Variants in CEP164 observed in about 807,000 individuals in gnomAD.
CEP164 encodes the protein centrosomal protein 164.
Under a neutral mutation model 182.7 loss-of-function variants are expected in CEP164, and 162 were observed. The observed-to-expected ratio is 0.89, with a 90% CI of 0.78 to 1.01. The LOEUF is 1.01. CEP164 is among the 50% of genes least tolerant of loss of function. The probability of loss-of-function intolerance (pLI) is 0.00; values close to 1 mark genes in which losing one functional copy is unlikely to be tolerated. For missense variants in CEP164, 1,735 were observed against 1,790.4 expected (o/e 0.97, Z 0.56); for synonymous variants, 661 against 690.0 (o/e 0.96, Z 0.66).
chr11:117,343,339 C>T (rs541087580), intron 3 of CEP164, among the ~76,000 whole-genome samples: 2 of 152,380 alleles, frequency 1.3e-5, no homozygotes, highest in East Asian at 3.9e-4. Context: ...TGCCTTCTCT[C>T]TGCTCCCATA....
intron 8 of CEP164, among the ~76,000 whole-genome samples, chr11:117,365,867 A>G (rs746947120): frequency 6.6e-5 from 10 of 152,172 alleles, no homozygotes; most frequent in Admixed American, 1.3e-4. Flanking sequence ...GGTGTGAGCC[A>G]TCGTGCCCAG....
intron 27 of CEP164, among the ~76,000 whole-genome samples, chr11:117,401,487 G>C (rs1041496270): frequency 2.0e-5 from 3 of 152,286 alleles, no homozygotes; most frequent in African/African-American, 7.2e-5. Flanking sequence ...GATGATGCTG[G>C]CTTCATAAAA....
intron 5 of CEP164, among the ~76,000 whole-genome samples, chr11:117,353,350 A>G (rs2135476922): frequency 6.6e-6 from 1 of 152,282 alleles, no homozygotes; most frequent in South Asian, 2.1e-4. Flanking sequence ...CCAGATGGAG[A>G]AAAGAGGGCA....
intron 27 of CEP164, among the ~76,000 whole-genome samples, chr11:117,403,480 C>A (rs2046360819): frequency 6.6e-6 from 1 of 152,170 alleles, no homozygotes; most frequent in Non-Finnish European, 1.5e-5. Context: ...TGAATATTGG[C>A]CCCCACTCTC....
chr11:117,395,190 A>C lies in CEP164; in HGVS notation c.2912A>C (p.Glu971Ala). ...DVQRQVALKS[E>A]EATATHQQLE... ...CAGAGGCAGGTTGCTCTGAAGAGTG[A>C]GGTTTGTCTCCCTGTTTTGTCCTCC... Residue 971 changes from glutamate (E) to alanine (A), a missense_variant and splice_region_variant, in exon 23 of 33, where the codon GAG (glutamate) becomes GCG (alanine). Glu to Ala is a moderately radical substitution (Grantham distance 107). Transcript: ENST00000278935. 1.2e-6 allele frequency: 2 copies of C among 1,613,516 alleles called. No individual in the cohort carries two copies. Among genetic ancestry groups the C allele is most frequent in the South Asian group, 2.2e-5 (2 of 91,056 alleles).
intron 2 of CEP164, among the ~76,000 whole-genome samples, chr11:117,338,034 T>C (rs886468622): frequency 4.6e-5 from 7 of 152,132 alleles, no homozygotes; most frequent in Non-Finnish European, 1.0e-4. Flanking sequence ...GCCCTTATCT[T>C]AGCACTCTCA....
At position 117,362,438 on chromosome 11, in the gene CEP164, A is replaced by T; in HGVS notation, c.587A>T (p.Lys196Met). ...GGTCTCAAGACCTCTGCTTATACAA[A>T]GGGTCTCTTGGGCTCCATATATGAG... ...SQGLKTSAYT[K>M]GLLGSIYEDK... Residue 196 changes from lysine (K) to methionine (M), a missense_variant, in exon 7 of 33, where the codon AAG (lysine) becomes ATG (methionine). By Grantham distance (95) the Lys-to-Met change is moderately conservative (BLOSUM62 -1). Coordinates refer to ENST00000278935, the MANE Select transcript of CEP164 (RefSeq NM_014956.5). 6.2e-7 allele frequency: 1 copy of T among 1,613,744 alleles called. No homozygotes were observed. The highest frequency in any genetic ancestry group is 8.5e-7 in the Non-Finnish European group (1 of 1,179,904).
intron 5 of CEP164, 80 bp downstream of exon 5, chr11:117,352,068 C>T (rs2039708224): frequency 8.1e-7 from 1 of 1,233,168 alleles, no homozygotes; most frequent in Admixed American, 2.5e-5. Flanking sequence ...GTGTCTGCAG[C>T]TGGGAGGTTG....
chr11:117,391,249 C>T (rs1263770874), intron 17 of CEP164, 34 bp downstream of exon 17: 3 of 1,570,968 alleles, frequency 1.9e-6, no homozygotes, highest in South Asian at 1.2e-5. Flanking sequence ...CACCCTCTGA[C>T]CTGTGTCTGG....
chr11:117,336,939 G>T (rs1042404645), intron 2 of CEP164, among the ~76,000 whole-genome samples: 1 of 152,046 alleles, frequency 6.6e-6, no homozygotes, highest in African/African-American at 2.4e-5. Context: ...CATGGGAGCT[G>T]CCATGGGGAG....
Position 117,409,837 on chromosome 11 carries a change from C to T in CEP164, c.3968C>T (p.Ala1323Val). The T allele has an allele frequency of 1.9e-6, 3 of 1,611,964 alleles. No homozygotes were observed. Among genetic ancestry groups the T allele is most frequent in the Non-Finnish European group, 2.5e-6 (3 of 1,179,494 alleles). The change falls in exon 30 of 33, where the codon GCC (alanine) becomes GTC (valine). Residue 1323 changes from alanine (A) to valine (V), a missense_variant. By Grantham distance (64) the Ala-to-Val change is moderately conservative (BLOSUM62 0). Coordinates refer to ENST00000278935, the MANE Select transcript of CEP164 (RefSeq NM_014956.5). The surrounding 1 kb of genome is among the most constrained non-coding windows in gnomAD (Gnocchi z 4.4). ...TYYGSLARFS[A>V]LSSATPTSTQ... The stretch of plus-strand genomic sequence containing the variant: ...TATGGCTCCCTGGCCAGGTTCTCAG[C>T]CTTATCATCTGCTACACCCACGTCC...
Position 117,412,263 on chromosome 11 carries a change from C to T in CEP164, c.*95C>T, listed in dbSNP as rs521099. The T allele has an allele frequency of 9.0e-7, 1 of 1,114,616 alleles. No homozygotes were observed. The highest frequency in any genetic ancestry group is 1.6e-5 in the African/African-American group (1 of 63,634). The allele number at this position is 1,114,616 out of a possible 1,614,324, so 69.0% of individuals were successfully genotyped here. On this transcript the variant is annotated 3_prime_UTR_variant, in exon 33 of 33. Coordinates refer to ENST00000278935, the MANE Select transcript of CEP164 (RefSeq NM_014956.5). ...GCCTTCTTCCATCTGAGAAAGCACC[C>T]TCCTTCCCCCTTTGACTTGCAGGAG...
chr11:117,392,040 G>C (rs1369805872), intron 17 of CEP164, among the ~76,000 whole-genome samples, 186 bp from the exon 18 acceptor site: 10 of 152,146 alleles, frequency 6.6e-5, no homozygotes, highest in Admixed American at 1.3e-4. Flanking sequence ...TCATGTTCCT[G>C]TTCATTTGCC....
intron 13 of CEP164, among the ~76,000 whole-genome samples, chr11:117,382,304 TTCAG>T (rs1391020130): frequency 2.6e-5 from 4 of 152,150 alleles, no homozygotes; most frequent in Admixed American, 1.3e-4. Context: ...CTTCTTGTCA[TTCAG>T]CAACCCCAGC....
chr11:117,340,527 T>G lies in CEP164; in HGVS notation c.82+1859T>G, dbSNP rs959354746. 2.6e-5 allele frequency among the ~76,000 whole-genome samples: 4 copies of G among 152,154 alleles called. No individual in the cohort carries two copies. In the East Asian group the frequency reaches 7.7e-4, roughly 29 times the overall value. ...GACTTTGCTTATAGCATAGGGTGTT[T>G]TTTTTGTTTTCCATATTTTTGTTTT... On this transcript the variant is annotated intron_variant, in intron 3 of 32. Transcript: ENST00000278935.
At chr11:117,328,426 T>G (rs1275661776) in intron 1 of CEP164, among the ~76,000 whole-genome samples, 4 of 152,258 alleles carry the variant, frequency 2.6e-5, no homozygotes, top group Non-Finnish European at 4.4e-5. Context: ...GTTTTTTCCT[T>G]TTCTTGCATT....
In CEP164 at chr11:117,411,801, G is replaced by A. The variant is rs536916313; in HGVS notation, c.4170G>A (p.Gln1390=). The change falls in exon 32 of 33, where the codon CAG becomes CAA. Residue 1390 remains glutamine (Q), a synonymous_variant. Transcript: ENST00000278935. This position sits in a 1 kb window ranked among gnomAD's most constrained non-coding sequence, Gnocchi z 4.4. The part of the protein sequence containing the change: ...SRLGYMSASE[Q]LRLLQHSHSQ... ...CTCTCCTCTTCCTTCCCAGTGAGCA[G>A]CTCCGGCTCCTACAGCACTCCCATT... is the stretch of plus-strand genomic sequence containing the variant. The A allele has an allele frequency of 6.2e-7, 1 of 1,614,184 alleles. No homozygotes were observed. Among genetic ancestry groups the A allele is most frequent in the Non-Finnish European group, 8.5e-7 (1 of 1,180,016 alleles).
At chr11:117,407,457 C>CAAAAAAAAAAAAAAAAAAAAAGGAA (rs2046823415) in intron 27 of CEP164, among the ~76,000 whole-genome samples, 1 of 69,030 alleles carries the variant, frequency 1.4e-5, no homozygotes, top group Non-Finnish European at 2.8e-5. Context: ...TCTGTCTCTA[C>CAAAAAAAAAAAAAAAAAAAAAGGAA]AAAAAAAAAA....
At position 117,408,990 on chromosome 11, in the gene CEP164, T is replaced by C. The variant is rs1196769731; in HGVS notation, c.3710T>C (p.Phe1237Ser). The C allele has an allele frequency of 2.5e-6, 4 of 1,613,876 alleles. No homozygotes were observed. Among genetic ancestry groups the C allele is most frequent in the South Asian group, 2.2e-5 (2 of 91,064 alleles). The change falls in exon 29 of 33, where the codon TTT becomes TCT. Residue 1237 changes from phenylalanine (F) to serine (S), a missense_variant. Transcript: ENST00000278935. ...DSLSSESSES[F>S]SPPHREWWRQ... is the part of the protein sequence containing the mutation. ...CTGAGCAGTGAAAGTTCTGAATCTT[T>C]TTCCCCGCCTCACCGTGAGTGGTGG...
Sources: allele counts gnomAD v4.1 joint callset (sites outside exome capture counted in the v4.1 genomes callset), GRCh38; gene constraint gnomAD v4.1.1; non-coding constraint Gnocchi (gnomAD v3.1); transcripts MANE v1.5; gene names NCBI Gene and HGNC (gene_info 2026-07-23, HGNC 2026-07-21).